KHDRBS2: variants seen among roughly 807,000 people sequenced by gnomAD.
The protein encoded by KHDRBS2 is KH domain-containing, RNA-binding, signal transduction-associated protein 2.
Under a neutral mutation model 44.3 loss-of-function variants are expected in KHDRBS2, and 26 were observed. That is an observed-to-expected ratio of 0.59 (90% confidence interval 0.43 to 0.81). The LOEUF is 0.81. KHDRBS2 is among the 40% of genes least tolerant of loss of function. The probability of loss-of-function intolerance (pLI) is 0.00; values close to 1 mark genes in which losing one functional copy is unlikely to be tolerated. For missense variants in KHDRBS2, 476 were observed against 433.1 expected (o/e 1.10, Z -0.88); for synonymous variants, 194 against 151.1 (o/e 1.28, Z -2.08).
At chr6:61,548,974 G>T in the KHDRBS2 span, among the ~76,000 whole-genome samples, 1 of 151,962 alleles carries the variant, frequency 6.6e-6, no homozygotes, top group Admixed American at 6.6e-5. Context: ...TTGGAATGGG[G>T]TCTTAAAAAA....
At chr6:61,823,446 A>G (rs1790319532) in intron 6 of KHDRBS2, among the ~76,000 whole-genome samples, 2 of 152,126 alleles carry the variant, frequency 1.3e-5, no homozygotes, top group African/African-American at 4.8e-5. Flanking sequence ...TTTATATAAA[A>G]AGATTGCAGA....
rs115324030 is a variant in KHDRBS2, at chr6:62,133,081, T to A, written c.219+44104A>T. The stretch of plus-strand genomic sequence containing the variant: ...TACATATACAAACGGGCTTTTTTTT[T>A]AAATAAGGATGACTGTTATTAAAAA... On this transcript the variant is annotated intron_variant, in intron 2 of 8. Transcript: ENST00000281156. Among the ~76,000 whole-genome samples the A allele has an allele frequency of 5.5e-3, 832 of 152,304 alleles. 10 individuals are homozygous for A. The highest frequency in any genetic ancestry group is 0.018 in the African/African-American group (769 of 41,582).
the KHDRBS2 span, among the ~76,000 whole-genome samples, chr6:61,597,747 TATATATATATAC>T: frequency 0.051 from 2,771 of 54,326 alleles, 301 homozygotes; most frequent in African/African-American, 0.18. Context: ...TATATATATA[TATATATATATAC>T]ATATATATAT....
chr6:62,161,373 TATAAA>T (rs559613712), intron 2 of KHDRBS2, among the ~76,000 whole-genome samples: 3 of 151,308 alleles, frequency 2.0e-5, no homozygotes, highest in Non-Finnish European at 3.0e-5. Flanking sequence ...AATATAATAA[TATAAA>T]ATAACACAAA....
chr6:61,800,135 G>A (rs1786029563), intron 6 of KHDRBS2, among the ~76,000 whole-genome samples: 1 of 151,992 alleles, frequency 6.6e-6, no homozygotes, highest in African/African-American at 2.4e-5. Flanking sequence ...TAGTGTCTAG[G>A]AGTTTCCCTA....
At chr6:61,902,049 G>T (rs950461071) in intron 4 of KHDRBS2, among the ~76,000 whole-genome samples, 2 of 152,084 alleles carry the variant, frequency 1.3e-5, no homozygotes, top group Non-Finnish European at 2.9e-5. Flanking sequence ...TCCGCTTCCC[G>T]GGTTAAAGCA....
chr6:61,615,041 C>T, the KHDRBS2 span, among the ~76,000 whole-genome samples: 5 of 151,652 alleles, frequency 3.3e-5, no homozygotes, highest in African/African-American at 1.2e-4. Context: ...TGAGACCAGC[C>T]TGGCCAACAG....
chr6:62,216,603 ATGG>A (rs1830014251), intron 1 of KHDRBS2, among the ~76,000 whole-genome samples: 1 of 151,450 alleles, frequency 6.6e-6, no homozygotes, highest in South Asian at 2.1e-4. Flanking sequence ...ATGCACTGAG[ATGG>A]TGGTGGTCTT....
intron 7 of KHDRBS2, among the ~76,000 whole-genome samples, chr6:61,713,701 T>A (rs1216917303): frequency 6.6e-6 from 1 of 151,248 alleles, no homozygotes; most frequent in African/African-American, 2.4e-5. Flanking sequence ...TACACATAGA[T>A]CAATGAAGCA....
the KHDRBS2 span, among the ~76,000 whole-genome samples, chr6:61,562,007 C>CA: frequency 1.3e-5 from 2 of 151,932 alleles, no homozygotes; most frequent in South Asian, 2.1e-4. Context: ...CACTATAAAC[C>CA]AAAAAAATGG....
At chr6:62,212,835 T>C (rs146209289) in intron 1 of KHDRBS2, among the ~76,000 whole-genome samples, 54 of 152,076 alleles carry the variant, frequency 3.6e-4, no homozygotes, top group African/African-American at 1.0e-3. Context: ...CTATACAGTT[T>C]TTGGTAGTTA....
the KHDRBS2 span, among the ~76,000 whole-genome samples, chr6:61,562,655 A>T: frequency 6.6e-6 from 1 of 152,136 alleles, no homozygotes; most frequent in East Asian, 1.9e-4. Flanking sequence ...AAATGCAAAC[A>T]TCAAGGAAGA....
chr6:62,183,615 C>T (rs769245106), intron 1 of KHDRBS2, among the ~76,000 whole-genome samples: 1 of 151,346 alleles, frequency 6.6e-6, no homozygotes, highest in Non-Finnish European at 1.5e-5. Flanking sequence ...ATTTAATTAT[C>T]GAGAAGACTT....
chr6:62,226,929 T>C (rs1831943855), intron 1 of KHDRBS2, among the ~76,000 whole-genome samples: 1 of 152,216 alleles, frequency 6.6e-6, no homozygotes, highest in Non-Finnish European at 1.5e-5. Context: ...TACTGTACCA[T>C]TGTAGTATAG....
intron 2 of KHDRBS2, among the ~76,000 whole-genome samples, chr6:62,172,907 G>A (rs209014): frequency 0.8 from 121,290 of 151,888 alleles, 49,077 homozygotes; most frequent in African/African-American, 0.93. Context: ...AAGATAGAAC[G>A]TACAAGAGTC....
chr6:62,131,516 G>A (rs557451006), intron 2 of KHDRBS2, among the ~76,000 whole-genome samples: 8 of 152,314 alleles, frequency 5.3e-5, no homozygotes, highest in African/African-American at 1.4e-4. Flanking sequence ...CGAGGTTAGC[G>A]GAAGGAGTGG....
At chr6:61,805,277 T>C (rs34173937) in intron 6 of KHDRBS2, among the ~76,000 whole-genome samples, 161 of 152,252 alleles carry the variant, frequency 1.1e-3, no homozygotes, top group Middle Eastern at 3.4e-3. Flanking sequence ...ATCACGTTTA[T>C]TCCAGTCCCC....
At chr6:61,667,222 G>A in the KHDRBS2 span, among the ~76,000 whole-genome samples, 1 of 149,374 alleles carries the variant, frequency 6.7e-6, no homozygotes, top group African/African-American at 2.5e-5. Context: ...TCTAGTGGTA[G>A]AATAACAACT....
At chr6:62,275,074 A>G (rs1418870148) in intron 1 of KHDRBS2, among the ~76,000 whole-genome samples, 4 of 151,536 alleles carry the variant, frequency 2.6e-5, no homozygotes, top group African/African-American at 9.7e-5. Flanking sequence ...CTCAAAGGGA[A>G]ACCATTTGGT....
Sources: gnomAD v4.1 joint callset for allele counts (sites outside exome capture counted in the v4.1 genomes callset) on GRCh38, gnomAD v4.1.1 for gene constraint, MANE v1.5 for transcripts, NCBI Gene and HGNC (gene_info 2026-07-23, HGNC 2026-07-21) for gene names.